Variants in CLEC16A observed in about 807,000 individuals in gnomAD.
The protein encoded by CLEC16A is protein CLEC16A.
Under a neutral mutation model 109.5 loss-of-function variants are expected in CLEC16A, and 51 were observed. The ratio of observed to expected loss-of-function variants is 0.47; its 90% CI spans 0.37 to 0.59. The LOEUF is 0.59. CLEC16A is among the 20% of genes least tolerant of loss of function. The probability of loss-of-function intolerance (pLI) is 0.00; values close to 1 mark genes in which losing one functional copy is unlikely to be tolerated. For missense variants in CLEC16A, 1,339 were observed against 1,394.0 expected (o/e 0.96, Z 0.63); for synonymous variants, 673 against 564.2 (o/e 1.19, Z -2.73).
intron 23 of CLEC16A, among the ~76,000 whole-genome samples, chr16:11,177,441 A>C (rs1233723426): frequency 6.6e-6 from 1 of 152,058 alleles, no homozygotes; most frequent in African/African-American, 2.4e-5. Context: ...TCTCTACAAA[A>C]ATACAAAAAT....
In CLEC16A at chr16:11,003,159, G is replaced by A. The variant is rs201074148; in HGVS notation, c.1157G>A (p.Arg386Gln). 382 of 1,613,340 alleles carry A rather than the reference G, an allele frequency of 2.4e-4. No homozygotes were observed. Among genetic ancestry groups the A allele is most frequent in the African/African-American group, 4.7e-4 (35 of 74,850 alleles). ...ATGAACAAGCACAAGGGCAAGAGGCGGGTGCAAAAGAGACCCAACTACAAA... is the reference window on the plus strand; with the variant it reads ...ATGAACAAGCACAAGGGCAAGAGGCAGGTGCAAAAGAGACCCAACTACAAA... ...LEMNKHKGKR[R>Q]VQKRPNYKNV... The change falls in exon 11 of 24, where the codon CGG becomes CAG. Residue 386 changes from arginine to glutamine, a missense_variant. Physicochemically the swap from Arg to Gln is conservative, Grantham distance 43 (BLOSUM62 1). Transcript: ENST00000409790.
rs1596818327 is a variant in CLEC16A, at chr16:10,972,987, T to G, written c.654T>G (p.Pro218=). Residue 218 remains proline (P), a synonymous_variant, in exon 7 of 24, where the codon CCT becomes CCG. Coordinates refer to ENST00000409790, the MANE Select transcript of CLEC16A (RefSeq NM_015226.3). ...ACATCCGAGATAAAACTGCTGTTCC[T>G]TACTTCTCCAATTTGGTCTGGTTCA... The part of the protein sequence containing the change: ...LHYIRDKTAV[P]YFSNLVWFIG... 1.2e-6 allele frequency: 2 copies of G among 1,612,516 alleles called. No homozygotes were observed. The highest frequency in any genetic ancestry group is 2.7e-5 in the African/African-American group (2 of 74,746).
chr16:11,127,851 C>G (rs1455646583), intron 22 of CLEC16A, among the ~76,000 whole-genome samples: 1 of 152,130 alleles, frequency 6.6e-6, no homozygotes, highest in East Asian at 1.9e-4. Context: ...GCCTGGGCAA[C>G]AGAGTGAGAC....
chr16:11,023,519 C>G (rs557347171), intron 12 of CLEC16A, among the ~76,000 whole-genome samples: 1 of 151,920 alleles, frequency 6.6e-6, no homozygotes, highest in African/African-American at 2.4e-5. Context: ...GGGGATGGAA[C>G]ATAAATGTCC....
At chr16:10,980,939 GA>G (rs1330113936) in intron 9 of CLEC16A, among the ~76,000 whole-genome samples, 2 of 152,200 alleles carry the variant, frequency 1.3e-5, no homozygotes, top group Non-Finnish European at 1.5e-5. Flanking sequence ...TTTTATGGAT[GA>G]CGTTAATTTG....
At chr16:10,983,328 C>T (rs1477424558) in intron 10 of CLEC16A, among the ~76,000 whole-genome samples, 1 of 152,240 alleles carries the variant, frequency 6.6e-6, no homozygotes. Flanking sequence ...GGGCGATGAA[C>T]ATCCATGAAT....
At chr16:10,957,756 A>G in intron 1 of CLEC16A, 26 bp from the exon 2 acceptor site, 7 of 1,613,138 alleles carry the variant, frequency 4.3e-6, no homozygotes, top group Non-Finnish European at 5.9e-6. Context: ...GTAACCTTTA[A>G]TTTCCTTTTC....
chr16:11,171,113 G>A (rs755034648), intron 23 of CLEC16A, among the ~76,000 whole-genome samples: 2 of 152,200 alleles, frequency 1.3e-5, no homozygotes, highest in Non-Finnish European at 2.9e-5. Flanking sequence ...CCGTGGGCAG[G>A]GGGGAGGACA....
intron 10 of CLEC16A, among the ~76,000 whole-genome samples, chr16:10,991,468 C>T (rs995402615): frequency 6.6e-6 from 1 of 150,822 alleles, no homozygotes; most frequent in South Asian, 2.1e-4. Flanking sequence ...TGCAAAGGCC[C>T]TGCGGTGGGA....
At chr16:11,003,445 G>A (rs993822020) in intron 11 of CLEC16A, 140 bp downstream of exon 11, 48 of 680,670 alleles carry the variant, frequency 7.1e-5, no homozygotes, top group Middle Eastern at 8.3e-4. Context: ...TCACACTGGC[G>A]TACCTCATTC....
intron 10 of CLEC16A, among the ~76,000 whole-genome samples, chr16:10,991,668 C>T (rs914862660): frequency 6.6e-6 from 1 of 152,148 alleles, no homozygotes; most frequent in Non-Finnish European, 1.5e-5. Context: ...ATGGTTCCTG[C>T]AGTCAACGTT....
chr16:11,147,781 T>A (rs2054128069), intron 22 of CLEC16A, among the ~76,000 whole-genome samples: 1 of 152,224 alleles, frequency 6.6e-6, no homozygotes, highest in South Asian at 2.1e-4. Context: ...GACCAGATTA[T>A]CTCATTTGTG....
At chr16:11,146,261 C>T (rs937453110) in intron 22 of CLEC16A, among the ~76,000 whole-genome samples, 9 of 152,160 alleles carry the variant, frequency 5.9e-5, no homozygotes, top group African/African-American at 2.2e-4. Context: ...TTTTCTACTC[C>T]TTGACTGGCC....
chr16:10,983,620 G>A (rs1459985699), intron 10 of CLEC16A, among the ~76,000 whole-genome samples: 1 of 152,134 alleles, frequency 6.6e-6, no homozygotes. Context: ...ACACTGCTGA[G>A]GGAAAACACC....
intron 1 of CLEC16A, among the ~76,000 whole-genome samples, chr16:10,951,319 G>T (rs2041719315): frequency 1.3e-5 from 2 of 152,188 alleles, no homozygotes. Context: ...GGGAGTTAGA[G>T]CCTTTTATAA....
chr16:11,099,543 A>G (rs1474141101), intron 19 of CLEC16A, among the ~76,000 whole-genome samples: 1 of 152,234 alleles, frequency 6.6e-6, no homozygotes, highest in Non-Finnish European at 1.5e-5. Context: ...CCATCAATGC[A>G]GAAAGTCCTT....
At chr16:11,145,450 C>G (rs1006839946) in intron 22 of CLEC16A, among the ~76,000 whole-genome samples, 4 of 152,254 alleles carry the variant, frequency 2.6e-5, no homozygotes, top group African/African-American at 4.8e-5. Flanking sequence ...CTCCCCAAGC[C>G]TGTCAGCTCT....
At chr16:11,113,877 G>A (rs1278578296) in intron 19 of CLEC16A, among the ~76,000 whole-genome samples, 3 of 152,128 alleles carry the variant, frequency 2.0e-5, no homozygotes, top group Non-Finnish European at 2.9e-5. Context: ...TAGCCCACGC[G>A]TGTGAGTGTT....
intron 19 of CLEC16A, among the ~76,000 whole-genome samples, chr16:11,072,926 A>C (rs2049150963): frequency 6.6e-6 from 1 of 152,200 alleles, no homozygotes; most frequent in South Asian, 2.1e-4. Context: ...CTAGATAATA[A>C]GGTTCTTGGA....
Sources: gnomAD v4.1 joint callset for allele counts (sites outside exome capture counted in the v4.1 genomes callset) on GRCh38, gnomAD v4.1.1 for gene constraint, MANE v1.5 for transcripts, NCBI Gene and HGNC (gene_info 2026-07-23, HGNC 2026-07-21) for gene names.